Variants in AKTIP observed in about 807,000 individuals in gnomAD.
AKTIP encodes the protein AKT-interacting protein.
A neutral mutation model predicts 39.1 loss-of-function variants in AKTIP; 16 were observed. The observed-to-expected ratio is 0.41, with a 90% CI of 0.28 to 0.62. AKTIP has a LOEUF of 0.62. Ranked by LOEUF, AKTIP falls within the 20% of genes least tolerant of loss-of-function variation. The pLI, the probability that AKTIP is intolerant of heterozygous loss-of-function variation, is 0.32. For missense variants in AKTIP, 262 were observed against 356.6 expected, an observed-to-expected ratio of 0.73 and a Z score of 2.14; for synonymous variants, 93 against 124.3, an observed-to-expected ratio of 0.75 and a Z score of 1.67.
At chr16:53,492,540 A>AGAT in intron 9 of AKTIP, 21 bp from the exon 10 acceptor site, 1 of 1,613,198 alleles carries the variant, frequency 6.2e-7, no homozygotes, top group Non-Finnish European at 8.5e-7. Context: ...CAATCAAAAC[A>AGAT]GATATTTAAA....
intron 5 of AKTIP, 34 bp downstream of exon 5, chr16:53,495,038 TC>T (rs2150853743): frequency 6.3e-7 from 1 of 1,576,418 alleles, no homozygotes. Flanking sequence ...TTCTCGCTGA[TC>T]CACAAATAAA....
upstream of AKTIP, among the ~76,000 whole-genome samples, chr16:53,503,651 G>A (rs1236165276): frequency 6.6e-6 from 1 of 152,208 alleles, no homozygotes; most frequent in Non-Finnish European, 1.5e-5. Context: ...AGGGGCTGGG[G>A]CATACGCTAA....
Position 53,498,541 on chromosome 16 carries a change from C to G in AKTIP, c.98G>C (p.Arg33Pro), listed in dbSNP as rs141560947. Residue 33 changes from arginine to proline, a missense_variant, in exon 3 of 10, where the codon CGA becomes CCA. By Grantham distance (103) the Arg-to-Pro change is moderately radical. This residue lies in a region of AKTIP where 88 missense variants were observed against 132.1 expected (regional missense o/e 0.67). Transcript: ENST00000394657. The part of the protein sequence containing the change: ...LTGDVKTSPP[R>P]TAPKKQLPSI... The stretch of plus-strand genomic sequence containing the variant: ...AGGCAGCTGTTTCTTTGGTGCAGTT[C>G]GTGGAGGACTGGTTTTCACGTCCCC... The G allele has an allele frequency of 6.8e-6, 11 of 1,614,000 alleles. No homozygotes were observed. In the African/African-American group the frequency reaches 1.3e-4, roughly 20 times the overall value.
Position 53,500,344 on chromosome 16 carries a change from G to T in AKTIP, c.-70-15C>A. ...ATTCACTTTACCTTAAAACAAGACGGGAAGACATAGAAACATGCCAACACC... is the reference window on the plus strand; with the variant it reads ...ATTCACTTTACCTTAAAACAAGACGTGAAGACATAGAAACATGCCAACACC... On this transcript the variant is annotated splice_polypyrimidine_tract_variant and intron_variant, in intron 1 of 9. Transcript: ENST00000394657. 1.3e-6 allele frequency: 2 copies of T among 1,556,746 alleles called. No individual in the cohort carries two copies. The highest frequency in any genetic ancestry group is 1.7e-6 in the Non-Finnish European group (2 of 1,152,956).
At position 53,498,473 on chromosome 16, in the gene AKTIP, G is replaced by A. The variant is rs775464421; in HGVS notation, c.166C>T (p.Pro56Ser). The A allele has an allele frequency of 2.5e-6, 4 of 1,613,900 alleles. No homozygotes were observed. The African/African-American group carries it at 4.0e-5, about 16-fold the overall frequency. The change falls in exon 3 of 10, where the codon CCT becomes TCT. Residue 56 changes from proline to serine, a missense_variant. Transcript: ENST00000394657. The part of the protein sequence containing the change: ...NALPITKPTS[P>S]APAAQSTNGT... Reference sequence around the variant, plus strand: ...TTTGTTGACTGTGCTGCTGGGGCAGGAGATGTAGGCTTAGTTATGGGCAAA... The same window carrying A: ...TTTGTTGACTGTGCTGCTGGGGCAGAAGATGTAGGCTTAGTTATGGGCAAA...
chr16:53,492,531 A>C lies in AKTIP; in HGVS notation c.772-12T>G. 1 of 1,613,858 alleles carries C rather than the reference A, an allele frequency of 6.2e-7. No individual in the cohort carries two copies. The highest frequency in any genetic ancestry group is 1.3e-5 in the African/African-American group (1 of 75,066). On this transcript the variant is annotated splice_polypyrimidine_tract_variant and intron_variant, in intron 9 of 9. Coordinates refer to ENST00000394657, the MANE Select transcript of AKTIP (RefSeq NM_022476.4). ...TGTTCTTCAGGCTTCTTCTAGGCACAATCAAAACAGATATTTAAAAAATTA... is the reference window on the plus strand; with the variant it reads ...TGTTCTTCAGGCTTCTTCTAGGCACCATCAAAACAGATATTTAAAAAATTA...
rs539641104 is a variant in AKTIP at position 53,499,886 on chromosome 16, T to G, written c.42+332A>C. 2.0e-5 allele frequency among the ~76,000 whole-genome samples: 3 copies of G among 152,362 alleles called. No individual in the cohort carries two copies. The South Asian group carries it at 6.2e-4, about 32-fold the overall frequency. ...CAAGTCTGATTTAATGATATTAGAC[T>G]AGCCTTTCCCACAGCTGTTCTAACC... On this transcript the variant is annotated intron_variant, in intron 2 of 9. Coordinates refer to ENST00000394657, the MANE Select transcript of AKTIP (RefSeq NM_022476.4).
At chr16:53,492,778 A>T (rs367837944) in intron 8 of AKTIP, 25 bp from the exon 9 acceptor site, 56 of 1,605,810 alleles carry the variant, frequency 3.5e-5, no homozygotes, top group Non-Finnish European at 4.8e-5. Flanking sequence ...AAGTATTTAA[A>T]AACTATTTGT....
rs1416569460 is a variant in AKTIP, at chr16:53,491,443, ATCTTAT to A, written c.*963_*968del. The A allele has an allele frequency of 6.6e-6, 1 of 152,484 alleles. No homozygotes were observed. The highest frequency in any genetic ancestry group is 1.5e-5 in the Non-Finnish European group (1 of 68,028). The allele number at this position is 152,484 out of a possible 1,614,324, so 9.4% of individuals were successfully genotyped here. A position where few individuals can be genotyped will look rare whatever the true frequency, so the allele number is the denominator to read the frequency against. ...CAGCAGTTTTCAAGTCAAATTAATA[ATCTTAT>A]TAGGGAGAAAATTCAATTGTAAATT... On this transcript the variant is annotated 3_prime_UTR_variant, in exon 10 of 10. Coordinates refer to ENST00000394657, the MANE Select transcript of AKTIP (RefSeq NM_022476.4).
At chr16:53,501,619 A>T (rs1447423768) in intron 1 of AKTIP, 1 of 152,198 alleles carries the variant, frequency 6.6e-6, no homozygotes, top group African/African-American at 2.4e-5. Flanking sequence ...TAATTTCTTA[A>T]ACAGATCATG....
chr16:53,493,571 C>T (rs1961632292), intron 8 of AKTIP: 1 of 154,954 alleles, frequency 6.5e-6, no homozygotes, highest in Non-Finnish European at 1.4e-5. Context: ...TCCCAAAGTG[C>T]TAGGATTACT....
upstream of AKTIP, among the ~76,000 whole-genome samples, chr16:53,503,918 C>CA (rs1008993006): frequency 2.6e-5 from 4 of 151,156 alleles, no homozygotes; most frequent in Non-Finnish European, 5.9e-5. Context: ...GCCAGAGGAG[C>CA]TTTGTAAATC....
At position 53,491,782 on chromosome 16, in the gene AKTIP, C is replaced by G. The variant is rs541806957; in HGVS notation, c.*630G>C. 4 of 152,358 alleles carry G rather than the reference C, an allele frequency of 2.6e-5. No homozygotes were observed. The highest frequency in any genetic ancestry group is 9.7e-5 in the African/African-American group (4 of 41,338). 9.4% of individuals were successfully genotyped at this position (152,358 alleles called of 1,614,324 possible). ...TTAAATACCGGACTTCATTAGAAAC[C>G]GTTGTAACACTTTTTCTCCCTCCTG... On this transcript the variant is annotated 3_prime_UTR_variant, in exon 10 of 10. Transcript: ENST00000394657.
intron 1 of AKTIP, 35 bp from the exon 2 acceptor site, chr16:53,500,364 A>C: frequency 6.9e-7 from 1 of 1,443,660 alleles, no homozygotes; most frequent in Non-Finnish European, 9.4e-7. Context: ...GAAACATGCC[A>C]ACACCAACCA....
chr16:53,493,906 C>A, intron 8 of AKTIP: 1 of 502,202 alleles, frequency 2.0e-6, no homozygotes. Context: ...CCTGGGAAAC[C>A]AAAGTCACCA....
rs764269990 is a variant in AKTIP at position 53,495,056 on chromosome 16, CT to C, written c.414+16del. On this transcript the variant is annotated intron_variant, in intron 5 of 9. Coordinates refer to ENST00000394657, the MANE Select transcript of AKTIP (RefSeq NM_022476.4). ...TCGCTGATCCACAAATAAAGCCAGA[CT>C]GTGTCTCCAACTTACTGGACAGTCA... The C allele has an allele frequency of 6.2e-7, 1 of 1,605,590 alleles. No homozygotes were observed. The highest frequency in any genetic ancestry group is 1.7e-5 in the Admixed American group (1 of 60,026).
chr16:53,502,251 G>A (rs1962210278), intron 1 of AKTIP, among the ~76,000 whole-genome samples: 2 of 152,206 alleles, frequency 1.3e-5, no homozygotes, highest in African/African-American at 4.8e-5. Flanking sequence ...AGAAACTGTA[G>A]CACACTTTTC....
intron 3 of AKTIP, among the ~76,000 whole-genome samples, chr16:53,496,279 A>G (rs980213169): frequency 1.3e-5 from 2 of 152,142 alleles, no homozygotes; most frequent in African/African-American, 2.4e-5. Flanking sequence ...ACTACAGTGA[A>G]GTTTGCCAGA....
intron 3 of AKTIP, among the ~76,000 whole-genome samples, chr16:53,495,939 A>G (rs1422243520): frequency 6.6e-6 from 1 of 152,196 alleles, no homozygotes; most frequent in Non-Finnish European, 1.5e-5. Context: ...CTGCTCTCAA[A>G]TGGACACCCT....
Sources: allele counts gnomAD v4.1 joint callset (sites outside exome capture counted in the v4.1 genomes callset), GRCh38; gene constraint gnomAD v4.1.1; regional missense constraint gnomAD v4.1.1; transcripts MANE v1.5; gene names NCBI Gene and HGNC (gene_info 2026-07-23, HGNC 2026-07-21).